The following CCDC85A variants were observed in gnomAD, a reference collection of about 807,000 sequenced individuals.
CCDC85A encodes coiled-coil domain-containing protein 85A.
CCDC85A carries 38 observed loss-of-function variants against 50.2 expected under a neutral mutation model. The observed-to-expected ratio is 0.76, with a 90% CI of 0.58 to 0.99. The LOEUF is 0.99. CCDC85A is among the 50% of genes least tolerant of loss of function. CCDC85A has a pLI of 0.00. For synonymous variants in CCDC85A, 366 were observed against 301.4 expected (o/e 1.21, Z -2.22); for missense variants, 820 against 742.0 (o/e 1.11, Z -1.22).
At chr2:56,220,975 C>T (rs150091061) in intron 2 of CCDC85A, among the ~76,000 whole-genome samples, 57 of 152,074 alleles carry the variant, frequency 3.7e-4, no homozygotes, top group African/African-American at 1.2e-3. Flanking sequence ...CCCTGCTCCC[C>T]GTCAGTACCA....
intron 2 of CCDC85A, among the ~76,000 whole-genome samples, chr2:56,241,631 A>G (rs1468146542): frequency 6.6e-6 from 1 of 152,118 alleles, no homozygotes; most frequent in Non-Finnish European, 1.5e-5. Flanking sequence ...GTGACCTCCA[A>G]TTCCATCTGT....
At chr2:56,344,344 T>C (rs1005872285) in intron 3 of CCDC85A, among the ~76,000 whole-genome samples, 11 of 152,160 alleles carry the variant, frequency 7.2e-5, no homozygotes, top group Non-Finnish European at 1.2e-4. Context: ...ATTAAGTGAC[T>C]AACAGGCAGG....
At chr2:56,220,422 AT>A (rs1433441963) in intron 2 of CCDC85A, among the ~76,000 whole-genome samples, 6 of 152,022 alleles carry the variant, frequency 3.9e-5, no homozygotes, top group Non-Finnish European at 8.8e-5. Context: ...AGATGTGATT[AT>A]TTATAGAAAT....
chr2:56,193,537 C>T lies in CCDC85A; in HGVS notation c.1240+97C>T, dbSNP rs13392702. The T allele has an allele frequency of 6.0e-4, 815 of 1,355,894 alleles. 3 individuals are homozygous for T. In the African/African-American group the frequency reaches 0.01, roughly 17 times the overall value. The allele number at this position is 1,355,894 out of a possible 1,614,324, so 84.0% of individuals were successfully genotyped here. ...TTCCAGCCATGTAAGAAAGTGCAGGCGCTAGCTAGGGAGTGGGTTTGGGGA... is the reference window on the plus strand; with the variant it reads ...TTCCAGCCATGTAAGAAAGTGCAGGTGCTAGCTAGGGAGTGGGTTTGGGGA... On this transcript the variant is annotated intron_variant, in intron 2 of 5. Transcript: ENST00000407595.
intron 2 of CCDC85A, among the ~76,000 whole-genome samples, chr2:56,314,516 C>A (rs576429840): frequency 7.2e-5 from 11 of 152,016 alleles, no homozygotes; most frequent in Non-Finnish European, 1.3e-4. Flanking sequence ...AGTGTATGTT[C>A]CCCCATCATT....
intron 2 of CCDC85A, among the ~76,000 whole-genome samples, chr2:56,314,590 G>A (rs1672837354): frequency 6.6e-6 from 1 of 151,980 alleles, no homozygotes; most frequent in South Asian, 2.1e-4. Flanking sequence ...ATTTTATTTA[G>A]TCTAGCAATT....
chr2:56,258,359 A>C (rs578168161), intron 2 of CCDC85A, among the ~76,000 whole-genome samples: 17 of 152,338 alleles, frequency 1.1e-4, no homozygotes, highest in Admixed American at 1.1e-3. Flanking sequence ...GTAAGAAGTT[A>C]TGGGGTGAGA....
chr2:56,232,830 C>A (rs1668832536), intron 2 of CCDC85A, among the ~76,000 whole-genome samples: 1 of 152,164 alleles, frequency 6.6e-6, no homozygotes, highest in Non-Finnish European at 1.5e-5. Flanking sequence ...TGCACAATTT[C>A]ATTTAGTTTC....
At chr2:56,287,200 G>C (rs1223769479) in intron 2 of CCDC85A, among the ~76,000 whole-genome samples, 1 of 152,158 alleles carries the variant, frequency 6.6e-6, no homozygotes, top group Non-Finnish European at 1.5e-5. Context: ...TTTTGTCAAG[G>C]ACTCATGGGA....
chr2:56,334,935 T>A (rs903458162), intron 2 of CCDC85A, among the ~76,000 whole-genome samples: 1 of 152,074 alleles, frequency 6.6e-6, no homozygotes, highest in Non-Finnish European at 1.5e-5. Context: ...GAGAAAAAGG[T>A]CTGAGAAGAG....
chr2:56,187,351 G>C (rs373582330), intron 1 of CCDC85A, among the ~76,000 whole-genome samples: 3 of 152,144 alleles, frequency 2.0e-5, no homozygotes, highest in East Asian at 3.9e-4. Flanking sequence ...AAGGCTACCA[G>C]GTGTTATTGT....
intron 2 of CCDC85A, among the ~76,000 whole-genome samples, chr2:56,211,643 A>T (rs956170853): frequency 2.6e-5 from 4 of 151,966 alleles, no homozygotes; most frequent in African/African-American, 9.7e-5. Flanking sequence ...AGGCATCACA[A>T]TTTCCCTGGT....
At chr2:56,348,650 C>A (rs921929324) in intron 3 of CCDC85A, among the ~76,000 whole-genome samples, 3 of 152,144 alleles carry the variant, frequency 2.0e-5, no homozygotes, top group African/African-American at 7.2e-5. Context: ...TACGTAGGAG[C>A]TAAAGAAATC....
intron 3 of CCDC85A, among the ~76,000 whole-genome samples, chr2:56,358,895 C>T (rs1472736225): frequency 6.6e-6 from 1 of 151,796 alleles, no homozygotes; most frequent in Admixed American, 6.6e-5. Flanking sequence ...AGCGCTTCTT[C>T]TGCCTCAGCC....
intron 2 of CCDC85A, among the ~76,000 whole-genome samples, chr2:56,326,623 T>C (rs1239862125): frequency 1.3e-5 from 2 of 152,164 alleles, no homozygotes; most frequent in African/African-American, 4.8e-5. Context: ...TGGCTGGATT[T>C]AAGAGGACTC....
At chr2:56,274,089 G>T (rs1302283237) in intron 2 of CCDC85A, among the ~76,000 whole-genome samples, 1 of 152,118 alleles carries the variant, frequency 6.6e-6, no homozygotes, top group Non-Finnish European at 1.5e-5. Flanking sequence ...TAGCTATGCT[G>T]TACTAGTGAA....
At chr2:56,344,498 C>T (rs1464347828) in intron 3 of CCDC85A, among the ~76,000 whole-genome samples, 3 of 152,190 alleles carry the variant, frequency 2.0e-5, no homozygotes, top group Non-Finnish European at 2.9e-5. Context: ...TGATTGACTA[C>T]AAGTAACAGA....
chr2:56,279,782 T>A (rs1393478279), intron 2 of CCDC85A, among the ~76,000 whole-genome samples: 1 of 152,236 alleles, frequency 6.6e-6, no homozygotes, highest in Non-Finnish European at 1.5e-5. Context: ...GAAATCTTTT[T>A]AATGACTGAG....
chr2:56,380,982 C>G (rs72803080), intron 5 of CCDC85A, among the ~76,000 whole-genome samples: 16,229 of 152,066 alleles, frequency 0.11, 1,080 homozygotes, highest in South Asian at 0.16. Context: ...TCTATTAGGA[C>G]CAGATATTCT....
Sources: gnomAD v4.1 joint callset for allele counts (sites outside exome capture counted in the v4.1 genomes callset) on GRCh38, gnomAD v4.1.1 for gene constraint, MANE v1.5 for transcripts, NCBI Gene and HGNC (gene_info 2026-07-23, HGNC 2026-07-21) for gene names.